Variants in PKNOX1 observed in about 807,000 individuals in gnomAD.
PKNOX1 encodes the protein PBX/knotted 1 homeobox 1, also known as homeobox protein PKNOX1.
Under a neutral mutation model 51.9 loss-of-function variants are expected in PKNOX1, and 15 were observed. That is an observed-to-expected ratio of 0.29 (90% CI 0.19 to 0.45). The LOEUF (loss-of-function observed/expected upper bound fraction) is 0.45. Among genes scored for constraint, PKNOX1 ranks in the 20% least tolerant of loss-of-function variants. The pLI, the probability that PKNOX1 is intolerant of heterozygous loss-of-function variation, is 1.00. For synonymous variants in PKNOX1, 219 were observed against 211.1 expected (o/e 1.04, Z -0.32); for missense variants, 462 against 547.5 (o/e 0.84, Z 1.56).
chr21:43,018,075 A>ATAAT, intron 6 of PKNOX1, 58 bp from the exon 7 acceptor site: 1 of 801,630 alleles, frequency 1.2e-6, no homozygotes, highest in Non-Finnish European at 2.1e-6. Context: ...AAAAAAGAAG[A>ATAAT]ATGGTTTAAA....
intron 4 of PKNOX1, among the ~76,000 whole-genome samples, chr21:43,010,939 C>T (rs1438776191): frequency 6.6e-6 from 1 of 152,096 alleles, no homozygotes; most frequent in Non-Finnish European, 1.5e-5. Flanking sequence ...ATTCAGTTCT[C>T]TGCACAGTGT....
chr21:43,028,177 G>A (rs777980559), intron 9 of PKNOX1, among the ~76,000 whole-genome samples: 86 of 152,212 alleles, frequency 5.7e-4, no homozygotes, highest in Non-Finnish European at 9.1e-4. Context: ...GCCTTAGATC[G>A]TGCTTTGTGG....
At chr21:42,994,066 G>A (rs1355825402) in intron 1 of PKNOX1, among the ~76,000 whole-genome samples, 3 of 141,058 alleles carry the variant, frequency 2.1e-5, no homozygotes, top group Non-Finnish European at 3.1e-5. Flanking sequence ...GGCAAGGCGG[G>A]GTCTCCCTTT....
At chr21:43,010,311 T>C in intron 4 of PKNOX1, 87 bp downstream of exon 4, 2 of 697,442 alleles carry the variant, frequency 2.9e-6, no homozygotes. Flanking sequence ...TTTAGACTGC[T>C]TGTAGTTCTG....
chr21:42,988,293 C>G (rs1166010512), intron 1 of PKNOX1, among the ~76,000 whole-genome samples: 1 of 152,094 alleles, frequency 6.6e-6, no homozygotes, highest in Non-Finnish European at 1.5e-5. Flanking sequence ...TCATGATCCG[C>G]CCACCTCGGC....
chr21:43,021,661 G>A lies in PKNOX1; in HGVS notation c.849+230G>A, dbSNP rs1017478643. The stretch of plus-strand genomic sequence containing the variant: ...ACCCGAGCACATGTGAGGCGTACAC[G>A]TGTGTCCGAGACAGCCCACCACGAA... On this transcript the variant is annotated intron_variant, in intron 8 of 10. Coordinates refer to ENST00000291547, the MANE Select transcript of PKNOX1 (RefSeq NM_004571.5). The surrounding 1 kb of genome is among the most constrained non-coding windows in gnomAD (Gnocchi z 4.6). Among the ~76,000 whole-genome samples, 4 of 152,244 alleles carry A rather than the reference G, an allele frequency of 2.6e-5. No individual in the cohort carries two copies. The highest frequency in any genetic ancestry group is 4.8e-5 in the African/African-American group (2 of 41,452).
Position 43,018,198 on chromosome 21 carries a change from T to C in PKNOX1, c.688T>C (p.Ser230Pro). ...AGGCCAAGTGGTCACACAGACATTG[T>C]CGCCTGGGACAATTAGGATCCAGAA... ...PQGQVVTQTL[S>P]PGTIRIQNSQ... is the part of the protein sequence containing the mutation. Residue 230 changes from serine (S) to proline (P), a missense_variant, in exon 7 of 11, where the codon TCG (serine) becomes CCG (proline). By Grantham distance (74) the Ser-to-Pro change is moderately conservative. Transcript: ENST00000291547. 1 of 1,613,830 alleles carries C rather than the reference T, an allele frequency of 6.2e-7. No homozygotes were observed. Among genetic ancestry groups the C allele is most frequent in the African/African-American group, 1.3e-5 (1 of 74,992 alleles).
chr21:43,006,515 G>C (rs1349360632), intron 2 of PKNOX1, among the ~76,000 whole-genome samples: 1 of 151,332 alleles, frequency 6.6e-6, no homozygotes, highest in Non-Finnish European at 1.5e-5. Context: ...TTTTTTTTAA[G>C]AGAAACATAA....
At chr21:42,984,352 T>G (rs1005136628) in intron 1 of PKNOX1, among the ~76,000 whole-genome samples, 1 of 152,208 alleles carries the variant, frequency 6.6e-6, no homozygotes, top group African/African-American at 2.4e-5. Context: ...GTTTTAAAAA[T>G]TTAAGGTCTC....
rs372561534 is a variant in PKNOX1, at chr21:42,991,944, A to G, written c.-56-12382A>G. ...CTTGCTCTATCAGCCAAGCTGGATC[A>G]TGCCACTGCACTCAGCTTCCAAACC... On this transcript the variant is annotated intron_variant, in intron 1 of 10. Transcript: ENST00000291547. Among the ~76,000 whole-genome samples the G allele has an allele frequency of 5.9e-5, 9 of 152,318 alleles. No individual in the cohort carries two copies. In the South Asian group the frequency reaches 6.2e-4, roughly 11 times the overall value.
chr21:42,975,383 C>T (rs966643367), intron 1 of PKNOX1, among the ~76,000 whole-genome samples: 2 of 151,992 alleles, frequency 1.3e-5, no homozygotes, highest in African/African-American at 4.8e-5. Flanking sequence ...TGTTTGGGGC[C>T]GGGTGCTGGG....
rs1980375641 is a variant in PKNOX1 at position 43,033,614 on chromosome 21, CA to C, written c.*3517del. ...TTTTATTTTATAAAGCTCATGTCAC[CA>C]AAAGCTGCTTCTCCATTTTATGTAA... On this transcript the variant is annotated 3_prime_UTR_variant, in exon 11 of 11. Coordinates refer to ENST00000291547, the MANE Select transcript of PKNOX1 (RefSeq NM_004571.5). 6.6e-6 allele frequency: 1 copy of C among 152,166 alleles called. No individual in the cohort carries two copies. Among genetic ancestry groups the C allele is most frequent in the East Asian group, 1.9e-4 (1 of 5,198 alleles). The allele number at this position is 152,166 out of a possible 1,614,324, so 9.4% of individuals were successfully genotyped here.
intron 5 of PKNOX1, among the ~76,000 whole-genome samples, chr21:43,015,172 G>A (rs530549637): frequency 2.6e-5 from 4 of 152,364 alleles, no homozygotes; most frequent in South Asian, 2.1e-4. Context: ...CCTTGTCACC[G>A]CCTTAGGGGA....
chr21:42,986,358 A>T (rs1210657339), intron 1 of PKNOX1, among the ~76,000 whole-genome samples: 1 of 151,758 alleles, frequency 6.6e-6, no homozygotes. Flanking sequence ...AAAATTAGCC[A>T]GGCATGGTGG....
At chr21:43,018,960 C>T (rs1390679274) in intron 7 of PKNOX1, among the ~76,000 whole-genome samples, 1 of 151,950 alleles carries the variant, frequency 6.6e-6, no homozygotes, top group East Asian at 1.9e-4. Context: ...TGGTGCACGC[C>T]TGTAATCCCA....
intron 1 of PKNOX1, among the ~76,000 whole-genome samples, chr21:42,984,073 C>CGTGTGT (rs1568887294): frequency 2.6e-5 from 1 of 38,344 alleles, no homozygotes; most frequent in South Asian, 7.8e-4. Flanking sequence ...TACGTGTGTG[C>CGTGTGT]GTGTGTGTGC....
intron 8 of PKNOX1, 130 bp from the exon 9 acceptor site, chr21:43,024,740 GT>G: frequency 3.1e-6 from 2 of 636,322 alleles, no homozygotes; most frequent in Non-Finnish European, 5.6e-6. Context: ...CTACAGTTAG[GT>G]TTTGGCTAGA....
At chr21:43,004,249 A>T in intron 1 of PKNOX1, 77 bp from the exon 2 acceptor site, 9 of 625,878 alleles carry the variant, frequency 1.4e-5, no homozygotes, top group East Asian at 5.9e-5. Context: ...AAAAAAAAAA[A>T]TTTGATGTTA....
chr21:43,013,697 C>T (rs939419156), intron 5 of PKNOX1, among the ~76,000 whole-genome samples: 19 of 152,220 alleles, frequency 1.2e-4, no homozygotes, highest in Admixed American at 5.2e-4. Context: ...ACACTCATTC[C>T]GGATTCCCCC....
Sources: allele counts gnomAD v4.1 joint callset (sites outside exome capture counted in the v4.1 genomes callset), GRCh38; gene constraint gnomAD v4.1.1; non-coding constraint Gnocchi (gnomAD v3.1); transcripts MANE v1.5; gene names NCBI Gene and HGNC (gene_info 2026-07-23, HGNC 2026-07-21).